Variants in CSMD1 observed in about 807,000 individuals in gnomAD.
CSMD1 encodes CUB and Sushi multiple domains 1.
CSMD1 carries 213 observed loss-of-function variants against 417.5 expected under a neutral mutation model. The ratio of observed to expected loss-of-function variants is 0.51; its 90% CI spans 0.46 to 0.57. The LOEUF is 0.57. CSMD1 is among the 20% of genes least tolerant of loss of function. The pLI is 0.00. For synonymous variants in CSMD1, 2,862 were observed against 1,736.8 expected, an observed-to-expected ratio of 1.65 and a Z score of -16.11; for missense variants, 6,923 against 4,529.7, an observed-to-expected ratio of 1.53 and a Z score of -15.17.
At chr8:4,977,667 T>C (rs1169735644) in intron 1 of CSMD1, among the ~76,000 whole-genome samples, 1 of 152,200 alleles carries the variant, frequency 6.6e-6, no homozygotes, top group Non-Finnish European at 1.5e-5. Flanking sequence ...GCCTCACTAG[T>C]TGACATAATT....
At chr8:3,687,295 G>C (rs1799989330) in intron 7 of CSMD1, among the ~76,000 whole-genome samples, 1 of 152,224 alleles carries the variant, frequency 6.6e-6, no homozygotes, top group African/African-American at 2.4e-5. Context: ...GTTACCCCAT[G>C]TATGATGGAT....
At chr8:4,863,436 G>A (rs926662378) in intron 1 of CSMD1, among the ~76,000 whole-genome samples, 2 of 152,046 alleles carry the variant, frequency 1.3e-5, no homozygotes, top group African/African-American at 4.8e-5. Flanking sequence ...ACCAGAGCAT[G>A]AATCCAGATT....
intron 1 of CSMD1, among the ~76,000 whole-genome samples, chr8:4,989,811 C>T (rs1811368973): frequency 6.6e-6 from 1 of 152,166 alleles, no homozygotes; most frequent in South Asian, 2.1e-4. Flanking sequence ...TGCTTATAAG[C>T]ACGAACCAGC....
intron 8 of CSMD1, among the ~76,000 whole-genome samples, chr8:3,612,398 G>C (rs1212086997): frequency 1.3e-5 from 2 of 152,086 alleles, no homozygotes; most frequent in East Asian, 1.9e-4. Flanking sequence ...GATCTGACAA[G>C]TGTTAAGAAA....
At chr8:4,817,721 G>A (rs181881115) in intron 1 of CSMD1, among the ~76,000 whole-genome samples, 79 of 152,286 alleles carry the variant, frequency 5.2e-4, no homozygotes, top group African/African-American at 1.8e-3. Flanking sequence ...GCATAATTTT[G>A]TTTGTAGTCG....
intron 1 of CSMD1, among the ~76,000 whole-genome samples, chr8:4,866,056 C>T (rs1802404987): frequency 6.6e-6 from 1 of 151,896 alleles, no homozygotes; most frequent in African/African-American, 2.4e-5. Flanking sequence ...TTTTTGACAC[C>T]TTAATGGTTC....
At chr8:3,752,016 G>C (rs757032092) in intron 6 of CSMD1, among the ~76,000 whole-genome samples, 1 of 152,140 alleles carries the variant, frequency 6.6e-6, no homozygotes, top group Non-Finnish European at 1.5e-5. Flanking sequence ...TCACTGAAGA[G>C]AAAGTGCAGA....
intron 12 of CSMD1, among the ~76,000 whole-genome samples, chr8:3,427,730 C>A (rs1033732072): frequency 5.9e-5 from 9 of 152,098 alleles, no homozygotes; most frequent in African/African-American, 2.2e-4. Context: ...GTAAAAGTAA[C>A]TATTTAATTT....
intron 2 of CSMD1, among the ~76,000 whole-genome samples, chr8:4,477,941 T>C (rs574286600): frequency 6.6e-5 from 10 of 152,354 alleles, no homozygotes; most frequent in African/African-American, 2.4e-4. Flanking sequence ...GCATGATAGC[T>C]ATGCAATAAA....
rs1385812467 is a variant in CSMD1, at chr8:4,593,986, T to C, written c.302+43356A>G. ...AAACCCTGCCTGTGGAGGACCCTTC[T>C]TGTCTCTCCACACCTTCTGGAGGTT... On this transcript the variant is annotated intron_variant, in intron 2 of 69. Transcript: ENST00000635120. Among the ~76,000 whole-genome samples, 10 of 151,992 alleles carry C rather than the reference T, an allele frequency of 6.6e-5. No individual in the cohort carries two copies. The East Asian group carries it at 1.9e-3, about 29-fold the overall frequency.
chr8:4,903,122 G>C (rs1052577131), intron 1 of CSMD1, among the ~76,000 whole-genome samples: 6 of 151,924 alleles, frequency 3.9e-5, no homozygotes. Flanking sequence ...ACTTACCTTT[G>C]CTCTATCTTT....
intron 5 of CSMD1, among the ~76,000 whole-genome samples, chr8:3,761,855 T>C (rs1250462262): frequency 6.6e-6 from 1 of 152,084 alleles, no homozygotes; most frequent in African/African-American, 2.4e-5. Flanking sequence ...GCGGCACTCA[T>C]GATTGTCTCT....
chr8:4,208,071 G>C (rs549999016), intron 3 of CSMD1, among the ~76,000 whole-genome samples: 4 of 152,218 alleles, frequency 2.6e-5, no homozygotes, highest in Non-Finnish European at 5.9e-5. Flanking sequence ...GTTCAGATAT[G>C]TGTTTACTAT....
At chr8:3,828,309 T>C (rs1003211629) in intron 5 of CSMD1, among the ~76,000 whole-genome samples, 4 of 152,214 alleles carry the variant, frequency 2.6e-5, no homozygotes, top group African/African-American at 9.6e-5. Context: ...GGAACACCTG[T>C]CTCAGCTTTC....
At chr8:3,142,775 C>G in intron 40 of CSMD1, 101 bp from the exon 41 acceptor site, 2 of 992,468 alleles carry the variant, frequency 2.0e-6, no homozygotes, top group Non-Finnish European at 3.1e-6. Context: ...CCCAGACAAT[C>G]CCTCTCTGTG....
chr8:4,326,305 G>A (rs933613785), intron 3 of CSMD1, among the ~76,000 whole-genome samples: 2 of 152,284 alleles, frequency 1.3e-5, no homozygotes, highest in African/African-American at 2.4e-5. Flanking sequence ...AAGGACAGCG[G>A]ATAAGTCCTT....
intron 1 of CSMD1, among the ~76,000 whole-genome samples, chr8:4,868,624 C>T (rs532730489): frequency 3.3e-5 from 5 of 152,048 alleles, no homozygotes; most frequent in East Asian, 1.9e-4. Flanking sequence ...AGTGTTCAAT[C>T]ATCTACTTAA....
rs544860369 is a variant in CSMD1 at position 4,518,157 on chromosome 8, AC to A, written c.303-98093del. The stretch of plus-strand genomic sequence containing the variant: ...TACTGGAAATATAACTTGCCATAAG[AC>A]AAGAAGACAGAGTATGGCACGAATG... On this transcript the variant is annotated intron_variant, in intron 2 of 69. Coordinates refer to ENST00000635120, the MANE Select transcript of CSMD1 (RefSeq NM_033225.6). 8.5e-4 allele frequency among the ~76,000 whole-genome samples: 129 copies of A among 152,320 alleles called. 1 individual carries two copies. The highest frequency in any genetic ancestry group is 9.1e-4 in the Non-Finnish European group (62 of 68,022).
intron 1 of CSMD1, among the ~76,000 whole-genome samples, chr8:4,912,970 G>A (rs193165353): frequency 3.2e-4 from 48 of 152,250 alleles, no homozygotes; most frequent in Admixed American, 7.8e-4. Context: ...TGTATTTTTA[G>A]TAGAGATGGG....
Sources: allele counts gnomAD v4.1 joint callset (sites outside exome capture counted in the v4.1 genomes callset), GRCh38; gene constraint gnomAD v4.1.1; transcripts MANE v1.5; gene names NCBI Gene and HGNC (gene_info 2026-07-23, HGNC 2026-07-21).